The following MEGF8 variants were observed in gnomAD, a reference collection of about 807,000 sequenced individuals.
MEGF8 encodes multiple epidermal growth factor-like domains protein 8.
In MEGF8, 156 loss-of-function variants were observed where a neutral mutation model predicts 302.9. That is an observed-to-expected ratio of 0.52 (90% CI 0.45 to 0.59). The LOEUF (loss-of-function observed/expected upper bound fraction) is 0.59. MEGF8 is among the 20% of genes least tolerant of loss of function. The pLI is 0.00. For synonymous variants in MEGF8, 1,621 were observed against 1,660.5 expected (o/e 0.98, Z 0.58); for missense variants, 3,345 against 3,964.5 (o/e 0.84, Z 4.20).
At position 42,348,446 on chromosome 19, in the gene MEGF8, G is replaced by GC; in HGVS notation, c.2275dup (p.Arg759ProfsTer4). On this transcript the variant is annotated frameshift_variant, in exon 13 of 42. Coordinates refer to ENST00000251268, the MANE Select transcript of MEGF8 (RefSeq NM_001271938.2). LOFTEE classifies it high-confidence loss of function. ...GCGCCTACACGTCCTGGCCCGGATGGCCCGTGGCCCTGACACGGAGAACAT... is the reference window on the plus strand; with the variant it reads ...GCGCCTACACGTCCTGGCCCGGATGGCCCCGTGGCCCTGACACGGAGAACAT... The GC allele has an allele frequency of 6.6e-7, 1 of 1,526,116 alleles. No homozygotes were observed. Among genetic ancestry groups the GC allele is most frequent in the Non-Finnish European group, 8.8e-7 (1 of 1,138,744 alleles). The allele number at this position is 1,526,116 out of a possible 1,614,324, so 94.5% of individuals were successfully genotyped here. A position where few individuals can be genotyped will look rare whatever the true frequency, so the allele number is the denominator to read the frequency against.
At chr19:42,361,148 G>C (rs1296131392) in intron 32 of MEGF8, 142 bp downstream of exon 32, 1 of 876,220 alleles carries the variant, frequency 1.1e-6, no homozygotes, top group East Asian at 3.0e-5. Flanking sequence ...GGGTGGCCGG[G>C]GGAGCTCTGA....
intron 33 of MEGF8, 54 bp downstream of exon 33, chr19:42,362,267 C>A (rs1200283144): frequency 3.7e-6 from 6 of 1,609,478 alleles, no homozygotes; most frequent in Non-Finnish European, 5.1e-6. Flanking sequence ...GCAGGGAGGT[C>A]CTGGTCTCCA....
chr19:42,346,089 A>G (rs2039285107), intron 12 of MEGF8, among the ~76,000 whole-genome samples: 1 of 152,114 alleles, frequency 6.6e-6, no homozygotes, highest in African/African-American at 2.4e-5. Context: ...TTTAGTAGAG[A>G]TGGGGTTTCA....
At chr19:42,372,810 C>G (rs1399010693) in intron 41 of MEGF8, among the ~76,000 whole-genome samples, 1 of 151,968 alleles carries the variant, frequency 6.6e-6, no homozygotes, top group Non-Finnish European at 1.5e-5. Context: ...GTAGCTGGGA[C>G]TACAGGCGTG....
At position 42,352,741 on chromosome 19, in the gene MEGF8, A is replaced by C; in HGVS notation, c.3351-187A>C. 1.6e-6 allele frequency: 1 copy of C among 634,506 alleles called. No homozygotes were observed. Among genetic ancestry groups the C allele is most frequent in the Non-Finnish European group, 2.7e-6 (1 of 366,290 alleles). 39.3% of individuals were successfully genotyped at this position (634,506 alleles called of 1,614,324 possible). A position where few individuals can be genotyped will look rare whatever the true frequency, so the allele number is the denominator to read the frequency against. ...TGAAAGAGGTTTTCACAGTGGTGCT[A>C]TGTGGTTGCTATAGAGACAGGCTTG... On this transcript the variant is annotated intron_variant, in intron 19 of 41. Coordinates refer to ENST00000251268, the MANE Select transcript of MEGF8 (RefSeq NM_001271938.2). The surrounding 1 kb of genome is among the most constrained non-coding windows in gnomAD (Gnocchi z 4.4).
In MEGF8 at chr19:42,354,031, A is replaced by C; in HGVS notation, c.4011+7A>C. ...CAGCAGCACCCCCTGCACGGTGAGC[A>C]CTGAGGAAACGAGGGTTCAGGCGCA... On this transcript the variant is annotated splice_region_variant and intron_variant, in intron 22 of 41. Transcript: ENST00000251268. This position sits in a 1 kb window ranked among gnomAD's most constrained non-coding sequence, Gnocchi z 4.3. 6.3e-7 allele frequency: 1 copy of C among 1,582,622 alleles called. No homozygotes were observed. Among genetic ancestry groups the C allele is most frequent in the Non-Finnish European group, 8.6e-7 (1 of 1,165,950 alleles).
chr19:42,365,388 A>AG (rs1232225065), intron 35 of MEGF8, among the ~76,000 whole-genome samples: 1 of 152,010 alleles, frequency 6.6e-6, no homozygotes, highest in African/African-American at 2.4e-5. Context: ...GCCTGTCCCC[A>AG]GGGGCCAGAT....
At position 42,326,424 on chromosome 19, in the gene MEGF8, A is replaced by C; in HGVS notation, c.181A>C (p.Ile61Leu). 6.4e-7 allele frequency: 1 copy of C among 1,551,760 alleles called. No individual in the cohort carries two copies. The highest frequency in any genetic ancestry group is 1.4e-5 in the African/African-American group (1 of 71,326). The change falls in exon 1 of 42, where the codon ATC (isoleucine) becomes CTC (leucine). Residue 61 changes from isoleucine to leucine, a missense_variant. Ile to Leu is a conservative substitution (Grantham distance 5, BLOSUM62 2). Transcript: ENST00000251268. ...CGTCAATGGCAACTGCGAGTGGCTC[A>C]TCGAGGGTGAGTGGGGCCGCGTGGG... ...YSVNGNCEWL[I>L]EAPSPQHRIL...
chr19:42,339,489 A>C (rs1056133745), intron 8 of MEGF8, among the ~76,000 whole-genome samples: 2 of 152,124 alleles, frequency 1.3e-5, no homozygotes, highest in African/African-American at 4.8e-5. Flanking sequence ...ATTTTTTCAT[A>C]TGCTTATTGG....
chr19:42,332,091 A>C (rs1408208134), intron 1 of MEGF8, among the ~76,000 whole-genome samples: 1 of 152,116 alleles, frequency 6.6e-6, no homozygotes, highest in African/African-American at 2.4e-5. Context: ...TCCTGACCTC[A>C]GGTGATCCAC....
At chr19:42,355,708 G>T in intron 23 of MEGF8, 50 bp from the exon 24 acceptor site, 1 of 1,502,130 alleles carries the variant, frequency 6.7e-7, no homozygotes, top group South Asian at 1.3e-5. Context: ...GGGGGTGGAA[G>T]GGGCCAGGAA....
At position 42,335,920 on chromosome 19, in the gene MEGF8, CT is replaced by C. The variant is rs2039121167; in HGVS notation, c.829-9del. On this transcript the variant is annotated splice_polypyrimidine_tract_variant and intron_variant, in intron 5 of 41. Transcript: ENST00000251268. The stretch of plus-strand genomic sequence containing the variant: ...GTGTCTCTACCTCTGTCTCTTTTCT[CT>C]TCCTCACAGGCTGCCCGTCACTCCC... The C allele has an allele frequency of 6.9e-7, 1 of 1,455,986 alleles. No homozygotes were observed. The highest frequency in any genetic ancestry group is 9.1e-7 in the Non-Finnish European group (1 of 1,104,802). The allele number at this position is 1,455,986 out of a possible 1,614,324, so 90.2% of individuals were successfully genotyped here.
Position 42,333,656 on chromosome 19 carries a change from A to G in MEGF8, c.239A>G (p.Glu80Gly). 3.7e-6 allele frequency: 6 copies of G among 1,613,952 alleles called. No individual in the cohort carries two copies. The highest frequency in any genetic ancestry group is 5.1e-6 in the Non-Finnish European group (6 of 1,179,898). The change falls in exon 2 of 42, where the codon GAG becomes GGG. Residue 80 changes from glutamate to glycine, a missense_variant. By Grantham distance (98) the Glu-to-Gly change is moderately conservative. Coordinates refer to ENST00000251268, the MANE Select transcript of MEGF8 (RefSeq NM_001271938.2). ...ILLDFLFLDT[E>G]CTYDYLFVYD... ...CTGGACTTCCTTTTCCTGGACACAG[A>G]GTGCACGTATGACTACCTGTTCGTG...
Position 42,349,569 on chromosome 19 carries a change from G to T in MEGF8, c.2369G>T (p.Arg790Leu), listed in dbSNP as rs745557568. The change falls in exon 14 of 42, where the codon CGC becomes CTC. Residue 790 changes from arginine to leucine, a missense_variant. Transcript: ENST00000251268. Reference sequence around the variant, plus strand: ...CGGCTGCAGCGCCCTGGGTCTGCTCGCCTCTTCCCTCTGCCTGGGCGGGAC... The same window carrying T: ...CGGCTGCAGCGCCCTGGGTCTGCTCTCCTCTTCCCTCTGCCTGGGCGGGAC... ...TRRLQRPGSARLFPLPGRDHK... is the reference protein window; with the variant it reads ...TRRLQRPGSALLFPLPGRDHK... 4.3e-6 allele frequency: 7 copies of T among 1,611,822 alleles called. No individual in the cohort carries two copies. In the South Asian group the frequency reaches 7.7e-5, roughly 18 times the overall value.
chr19:42,333,737 G>A lies in MEGF8; in HGVS notation c.320G>A (p.Arg107Gln), dbSNP rs760280227. Residue 107 changes from arginine (R) to glutamine (Q), a missense_variant, in exon 2 of 42, where the codon CGA (arginine) becomes CAA (glutamine). Transcript: ENST00000251268. ...PLLASLSGST[R>Q]PPPIEASSGK... is the part of the protein sequence containing the mutation. Reference sequence around the variant, plus strand: ...CTTGCCAGTCTAAGTGGGAGCACCCGACCTCCGCCCATCGAAGCTTCCTCA... The same window carrying A: ...CTTGCCAGTCTAAGTGGGAGCACCCAACCTCCGCCCATCGAAGCTTCCTCA... The A allele has an allele frequency of 5.0e-6, 8 of 1,613,860 alleles. No homozygotes were observed. The highest frequency in any genetic ancestry group is 2.2e-5 in the East Asian group (1 of 44,896).
At chr19:42,372,073 AAACACAC>A (rs1181957039) in intron 41 of MEGF8, among the ~76,000 whole-genome samples, 51 of 72,226 alleles carry the variant, frequency 7.1e-4, no homozygotes, top group Admixed American at 1.6e-3. Flanking sequence ...CAACAACAAC[AAACACAC>A]ACACACACAC....
intron 32 of MEGF8, among the ~76,000 whole-genome samples, chr19:42,361,525 T>C (rs1444270017): frequency 3.3e-5 from 5 of 152,184 alleles, no homozygotes; most frequent in African/African-American, 1.2e-4. Context: ...GGAATGTTAA[T>C]GGTTTGATTT....
chr19:42,348,323 G>C lies in MEGF8; in HGVS notation c.2149G>C (p.Asp717His). Residue 717 changes from aspartate (D) to histidine (H), a missense_variant, in exon 13 of 42, where the codon GAT becomes CAT. Transcript: ENST00000251268. ...TITLTPSAETDVSLVYRGFIY... is the reference protein window; with the variant it reads ...TITLTPSAETHVSLVYRGFIY... The stretch of plus-strand genomic sequence containing the variant: ...CACCCTAACACCCAGCGCAGAGACA[G>C]ATGTGTCCCTGGTCTACCGTGGCTT... 1 of 1,537,580 alleles carries C rather than the reference G, an allele frequency of 6.5e-7. No individual in the cohort carries two copies. The highest frequency in any genetic ancestry group is 8.7e-7 in the Non-Finnish European group (1 of 1,146,984).
At position 42,357,438 on chromosome 19, in the gene MEGF8, G is replaced by T; in HGVS notation, c.4865G>T (p.Gly1622Val). ...ACCGTGGAGCTGCCAGCCGTTGCTG[G>T]TCACACCCTTACTGCCCGCCGAGGC... Reference protein sequence around the residue: ...PQTVELPAVAGHTLTARRGLS... With the variant: ...PQTVELPAVAVHTLTARRGLS... Residue 1622 changes from glycine (G) to valine (V), a missense_variant, in exon 28 of 42, where the codon GGT (glycine) becomes GTT (valine). Physicochemically the swap from Gly to Val is moderately radical, Grantham distance 109. Coordinates refer to ENST00000251268, the MANE Select transcript of MEGF8 (RefSeq NM_001271938.2). The surrounding 1 kb of genome is among the most constrained non-coding windows in gnomAD (Gnocchi z 5.2). The T allele has an allele frequency of 6.2e-7, 1 of 1,613,716 alleles. No homozygotes were observed. The highest frequency in any genetic ancestry group is 1.1e-5 in the South Asian group (1 of 91,072).
Sources: gnomAD v4.1 joint callset for allele counts (sites outside exome capture counted in the v4.1 genomes callset) on GRCh38, gnomAD v4.1.1 for gene constraint, Gnocchi (gnomAD v3.1) non-coding constraint, MANE v1.5 for transcripts, NCBI Gene and HGNC (gene_info 2026-07-23, HGNC 2026-07-21) for gene names.